FAM220A: variants seen among roughly 807,000 people sequenced by gnomAD.
The protein encoded by FAM220A is protein FAM220A.
For synonymous variants in FAM220A, 141 were observed against 130.7 expected, an observed-to-expected ratio of 1.08 and a Z score of -0.54; for missense variants, 392 against 321.6, an observed-to-expected ratio of 1.22 and a Z score of -1.68.
chr7:6,341,086 G>C (rs1008274153), intron 1 of FAM220A, among the ~76,000 whole-genome samples: 1 of 150,498 alleles, frequency 6.6e-6, no homozygotes, highest in Non-Finnish European at 1.5e-5. Flanking sequence ...GCAGCTTGCA[G>C]TGAGCTGAGA....
intron 1 of FAM220A, among the ~76,000 whole-genome samples, chr7:6,340,763 G>GT (rs1781836124): frequency 6.6e-6 from 1 of 151,600 alleles, no homozygotes; most frequent in South Asian, 2.1e-4. Context: ...GCCGGGCGTG[G>GT]TGGTGGGCAC....
rs1240871997 is a variant in FAM220A at position 6,329,836 on chromosome 7, T to C, written c.*539A>G. The stretch of plus-strand genomic sequence containing the variant: ...ATTGCAACTTTCACCACAGGGCCTC[T>C]GTCTAAATTGCATTTCAAGTGGAAG... On this transcript the variant is annotated 3_prime_UTR_variant, in exon 2 of 2. Coordinates refer to ENST00000313324, the MANE Select transcript of FAM220A (RefSeq NM_001037163.2). 1.2e-5 allele frequency: 2 copies of C among 167,622 alleles called. No homozygotes were observed. Among genetic ancestry groups the C allele is most frequent in the Non-Finnish European group, 2.9e-5 (2 of 68,870 alleles). The allele number at this position is 167,622 out of a possible 1,614,324, so 10.4% of individuals were successfully genotyped here.
At chr7:6,339,657 G>C (rs1781811077) in intron 1 of FAM220A, among the ~76,000 whole-genome samples, 1 of 151,576 alleles carries the variant, frequency 6.6e-6, no homozygotes, top group African/African-American at 2.4e-5. Flanking sequence ...GTAATGTTTT[G>C]TATTTTTAGT....
Position 6,335,193 on chromosome 7 carries a change from G to C in FAM220A, c.-81-3958C>G, listed in dbSNP as rs192988234. On this transcript the variant is annotated intron_variant, in intron 1 of 1. Transcript: ENST00000313324. ...TTCTCCTGCATCAGCCTCCCAAGTT[G>C]CTGGGATTACAGGAACCCACCACCA... 5.3e-4 allele frequency among the ~76,000 whole-genome samples: 81 copies of C among 151,670 alleles called. No individual in the cohort carries two copies. The East Asian group carries it at 0.014, about 26-fold the overall frequency.
intron 1 of FAM220A, among the ~76,000 whole-genome samples, chr7:6,343,481 G>A (rs936681450): frequency 9.4e-5 from 13 of 138,522 alleles, no homozygotes; most frequent in Non-Finnish European, 1.7e-4. Flanking sequence ...TCTTCCCACA[G>A]GCCATATAAC....
At chr7:6,345,767 G>A (rs1781940608) in intron 1 of FAM220A, among the ~76,000 whole-genome samples, 2 of 151,784 alleles carry the variant, frequency 1.3e-5, no homozygotes, top group South Asian at 4.2e-4. Context: ...TTTGGTGGTG[G>A]TTATTATTAT....
intron 1 of FAM220A, among the ~76,000 whole-genome samples, chr7:6,340,406 C>A (rs1224193827): frequency 6.6e-6 from 1 of 152,134 alleles, no homozygotes; most frequent in Non-Finnish European, 1.5e-5. Flanking sequence ...CATGTGTGTA[C>A]AGACACAGCC....
intron 1 of FAM220A, among the ~76,000 whole-genome samples, chr7:6,337,752 GTAA>G (rs1487723506): frequency 6.6e-6 from 1 of 151,532 alleles, no homozygotes; most frequent in East Asian, 1.9e-4. Flanking sequence ...TTAGTATTCA[GTAA>G]TAAACTATTT....
chr7:6,334,773 T>C (rs1163080282), intron 1 of FAM220A, among the ~76,000 whole-genome samples: 1 of 141,642 alleles, frequency 7.1e-6, no homozygotes, highest in Non-Finnish European at 1.5e-5. Context: ...GCCTGGATAG[T>C]TAGTTAGTTA....
At chr7:6,340,422 A>G (rs1781829564) in intron 1 of FAM220A, among the ~76,000 whole-genome samples, 1 of 152,124 alleles carries the variant, frequency 6.6e-6, no homozygotes, top group Non-Finnish European at 1.5e-5. Flanking sequence ...CAGCCCCAAC[A>G]TGGGTAAGTA....
intron 1 of FAM220A, among the ~76,000 whole-genome samples, chr7:6,334,449 C>G (rs1781706208): frequency 6.6e-6 from 1 of 151,754 alleles, no homozygotes; most frequent in Admixed American, 6.6e-5. Context: ...GGCAGGAGAA[C>G]AGCTTGAGTC....
At chr7:6,342,276 G>A (rs1018625748) in intron 1 of FAM220A, among the ~76,000 whole-genome samples, 1 of 151,812 alleles carries the variant, frequency 6.6e-6, no homozygotes. Context: ...TGGGTGCGGT[G>A]GCTCACACCT....
At chr7:6,333,684 A>C (rs2115130327) in intron 1 of FAM220A, among the ~76,000 whole-genome samples, 1 of 151,394 alleles carries the variant, frequency 6.6e-6, no homozygotes, top group Non-Finnish European at 1.5e-5. Flanking sequence ...TTTTCAGAGC[A>C]GGAACAGAAG....
intron 1 of FAM220A, among the ~76,000 whole-genome samples, chr7:6,334,126 G>C (rs541355606): frequency 1.3e-5 from 2 of 151,374 alleles, no homozygotes; most frequent in Admixed American, 1.3e-4. Flanking sequence ...GATTACAAGC[G>C]TGAGCCACCG....
intron 1 of FAM220A, among the ~76,000 whole-genome samples, chr7:6,334,406 C>T (rs940392926): frequency 6.6e-6 from 1 of 151,650 alleles, no homozygotes; most frequent in Admixed American, 6.6e-5. Flanking sequence ...CATGGTGGAG[C>T]ATGCCTGTAG....
chr7:6,343,331 C>T (rs1241995223), intron 1 of FAM220A, among the ~76,000 whole-genome samples: 1 of 148,518 alleles, frequency 6.7e-6, no homozygotes, highest in Non-Finnish European at 1.5e-5. Context: ...GATCCAAAAT[C>T]ACACCACTGC....
intron 1 of FAM220A, among the ~76,000 whole-genome samples, chr7:6,342,456 T>C (rs1231079859): frequency 2.6e-5 from 4 of 151,974 alleles, no homozygotes. Context: ...GGAGAATCAC[T>C]TGAACCCAGA....
chr7:6,336,222 T>A (rs1781742959), intron 1 of FAM220A, among the ~76,000 whole-genome samples: 1 of 150,782 alleles, frequency 6.6e-6, no homozygotes, highest in Non-Finnish European at 1.5e-5. Flanking sequence ...GGTGCACACC[T>A]GTAGTCCCAG....
rs1281847156 is a variant in FAM220A, at chr7:6,331,142, T to G, written c.13A>C (p.Arg5=). MRDR[R]GPLGTCLAQV... ...GCCAGGCAGGTGCCGAGGGGCCCTC[T>G]TCTGTCCCTCATGCTTCGTGTTCTT... The change falls in exon 2 of 2, where the codon AGA becomes CGA. Residue 5 remains arginine (R), a synonymous_variant. Coordinates refer to ENST00000313324, the MANE Select transcript of FAM220A (RefSeq NM_001037163.2). 6.8e-6 allele frequency: 11 copies of G among 1,612,236 alleles called. No homozygotes were observed. The highest frequency in any genetic ancestry group is 9.3e-6 in the Non-Finnish European group (11 of 1,179,464).
Sources: allele counts gnomAD v4.1 joint callset (sites outside exome capture counted in the v4.1 genomes callset), GRCh38; gene constraint gnomAD v4.1.1; transcripts MANE v1.5; gene names NCBI Gene and HGNC (gene_info 2026-07-23, HGNC 2026-07-21).